LCN6: variants seen among roughly 807,000 people sequenced by gnomAD.
LCN6 encodes the protein epididymal-specific lipocalin-6.
A neutral mutation model predicts 21.4 loss-of-function variants in LCN6; 20 were observed. The ratio of observed to expected loss-of-function variants is 0.93; its 90% CI spans 0.66 to 1.36. LCN6 has a LOEUF of 1.36. Among genes scored for constraint, LCN6 ranks in the 40% most tolerant of loss-of-function variants. The probability of loss-of-function intolerance (pLI) is 0.00; values close to 1 mark genes in which losing one functional copy is unlikely to be tolerated. For missense variants in LCN6, 217 were observed against 206.6 expected, an observed-to-expected ratio of 1.05 and a Z score of -0.31; for synonymous variants, 96 against 89.0, an observed-to-expected ratio of 1.08 and a Z score of -0.44.
At position 136,744,984 on chromosome 9, in the gene LCN6, T is replaced by A. The variant is rs1847016045; in HGVS notation, c.412+186A>T. Reference sequence around the variant, plus strand: ...CCGAGCGGCCCACTCACCACACAGCTCCCCATGTGGCCCCAAGCGGCCCAC... The same window carrying A: ...CCGAGCGGCCCACTCACCACACAGCACCCCATGTGGCCCCAAGCGGCCCAC... On this transcript the variant is annotated intron_variant, in intron 4 of 6. Transcript: ENST00000341206. This position sits in a 1 kb window ranked among gnomAD's most constrained non-coding sequence, Gnocchi z 4.2. 7.6e-6 allele frequency among the ~76,000 whole-genome samples: 1 copy of A among 132,416 alleles called. No homozygotes were observed. Among genetic ancestry groups the A allele is most frequent in the South Asian group, 2.5e-4 (1 of 4,044 alleles). The allele number at this position is 132,416 out of a possible 152,430, so 86.9% of individuals were successfully genotyped here. A position where few individuals can be genotyped will look rare whatever the true frequency, so the allele number is the denominator to read the frequency against.
At position 136,744,787 on chromosome 9, in the gene LCN6, G is replaced by A; in HGVS notation, c.413-46C>T. On this transcript the variant is annotated intron_variant, in intron 4 of 6. Transcript: ENST00000341206. This position sits in a 1 kb window ranked among gnomAD's most constrained non-coding sequence, Gnocchi z 4.2. ...CAGGGGGAAGCAACCTCTGAGAGCTGGGGAGGGGCCGGGGAGGGGCTGGGA... is the reference window on the plus strand; with the variant it reads ...CAGGGGGAAGCAACCTCTGAGAGCTAGGGAGGGGCCGGGGAGGGGCTGGGA... 6 of 1,393,890 alleles carry A rather than the reference G, an allele frequency of 4.3e-6. No homozygotes were observed. Among genetic ancestry groups the A allele is most frequent in the Non-Finnish European group, 5.0e-6 (5 of 993,460 alleles). 86.3% of individuals were successfully genotyped at this position (1,393,890 alleles called of 1,614,324 possible).
intron 2 of LCN6, 91 bp downstream of exon 2, chr9:136,747,333 C>G: frequency 6.8e-7 from 1 of 1,462,834 alleles, no homozygotes; most frequent in Non-Finnish European, 9.3e-7. Flanking sequence ...GCCCCCAGGC[C>G]GCGGTGCCCG....
chr9:136,744,405 C>G lies in LCN6; in HGVS notation c.*23-41G>C, dbSNP rs1847004166. On this transcript the variant is annotated intron_variant, in intron 5 of 6. Coordinates refer to ENST00000341206, the MANE Select transcript of LCN6 (RefSeq NM_198946.3). The surrounding 1 kb of genome is among the most constrained non-coding windows in gnomAD (Gnocchi z 4.2). ...AGACTGGCTGTGAAAAAGGACTGAG[C>G]CCCCCAGCACCCCAGGGCCCCACCC... The G allele has an allele frequency of 4.4e-6, 2 of 451,308 alleles. No homozygotes were observed. Among genetic ancestry groups the G allele is most frequent in the African/African-American group, 3.9e-5 (2 of 51,304 alleles). 28.0% of individuals were successfully genotyped at this position (451,308 alleles called of 1,614,324 possible).
intron 2 of LCN6, chr9:136,746,757 C>G (rs1279305752): frequency 6.6e-6 from 1 of 152,366 alleles, no homozygotes; most frequent in Non-Finnish European, 1.5e-5. Flanking sequence ...CTGTCGCCAG[C>G]CTGCCAGGGG....
Position 136,744,409 on chromosome 9 carries a change from C to G in LCN6, c.*23-45G>C. The stretch of plus-strand genomic sequence containing the variant: ...TGGCTGTGAAAAAGGACTGAGCCCC[C>G]CAGCACCCCAGGGCCCCACCCACAA... On this transcript the variant is annotated intron_variant, in intron 5 of 6. Coordinates refer to ENST00000341206, the MANE Select transcript of LCN6 (RefSeq NM_198946.3). The surrounding 1 kb of genome is among the most constrained non-coding windows in gnomAD (Gnocchi z 4.2). The G allele has an allele frequency of 2.1e-6, 1 of 470,594 alleles. No individual in the cohort carries two copies. Among genetic ancestry groups the G allele is most frequent in the Non-Finnish European group, 3.9e-6 (1 of 259,404 alleles). The allele number at this position is 470,594 out of a possible 1,614,324, so 29.2% of individuals were successfully genotyped here.
rs1847015857 is a variant in LCN6, at chr9:136,744,971, CT to C, written c.412+198del. ...CCCCACATGGCCCCCGAGCGGCCCA[CT>C]CACCACACAGCTCCCCATGTGGCCC... On this transcript the variant is annotated intron_variant, in intron 4 of 6. Transcript: ENST00000341206. This position sits in a 1 kb window ranked among gnomAD's most constrained non-coding sequence, Gnocchi z 4.2. Among the ~76,000 whole-genome samples, 1 of 151,850 alleles carries C rather than the reference CT, an allele frequency of 6.6e-6. No homozygotes were observed. Among genetic ancestry groups the C allele is most frequent in the Non-Finnish European group, 1.5e-5 (1 of 67,906 alleles).
chr9:136,746,239 G>A (rs1278462011), intron 2 of LCN6, among the ~76,000 whole-genome samples: 1 of 147,236 alleles, frequency 6.8e-6, no homozygotes, highest in African/African-American at 2.5e-5. Flanking sequence ...GGGTGGGGTG[G>A]GGGTTCGCCC....
chr9:136,748,010 C>T (rs1432980601), intron 1 of LCN6, among the ~76,000 whole-genome samples: 1 of 150,404 alleles, frequency 6.6e-6, no homozygotes, highest in Non-Finnish European at 1.5e-5. Context: ...CTCCAGCCTC[C>T]AGTTCTGCAG....
chr9:136,745,778 C>A, intron 3 of LCN6, 66 bp downstream of exon 3: 1 of 1,444,986 alleles, frequency 6.9e-7, no homozygotes, highest in South Asian at 1.1e-5. Flanking sequence ...CCGTCCCTGC[C>A]CGCAGGGGGC....
chr9:136,748,195 C>T (rs1389315748), intron 1 of LCN6, among the ~76,000 whole-genome samples, 199 bp downstream of exon 1: 1 of 152,218 alleles, frequency 6.6e-6, no homozygotes, highest in Non-Finnish European at 1.5e-5. Flanking sequence ...ATTCTCCAGC[C>T]CTCCAGCCTC....
At position 136,744,639 on chromosome 9, in the gene LCN6, C is replaced by T. The variant is rs374340352; in HGVS notation, c.*22+1G>A. The T allele has an allele frequency of 2.6e-5, 41 of 1,588,964 alleles. No individual in the cohort carries two copies. The highest frequency in any genetic ancestry group is 6.8e-5 in the Admixed American group (4 of 59,016). On this transcript the variant is annotated splice_donor_variant, in intron 5 of 6. Coordinates refer to ENST00000341206, the MANE Select transcript of LCN6 (RefSeq NM_198946.3). LOFTEE classifies it low-confidence loss of function (3UTR_SPLICE). This position sits in a 1 kb window ranked among gnomAD's most constrained non-coding sequence, Gnocchi z 4.2. ...CCGAGGCTGCTCCGGTGGACACTCACGGTCCTTCTGCAGCTGGGCCTGCTA... is the reference window on the plus strand; with the variant it reads ...CCGAGGCTGCTCCGGTGGACACTCATGGTCCTTCTGCAGCTGGGCCTGCTA...
intron 2 of LCN6, among the ~76,000 whole-genome samples, chr9:136,746,573 C>T (rs1847041489): frequency 6.6e-6 from 1 of 152,148 alleles, no homozygotes; most frequent in East Asian, 1.9e-4. Context: ...GCTGCCACCT[C>T]AGCCTGGAGC....
intron 3 of LCN6, 168 bp from the exon 4 acceptor site, chr9:136,745,448 C>G: frequency 1.4e-5 from 8 of 589,752 alleles, no homozygotes; most frequent in Non-Finnish European, 2.4e-5. Flanking sequence ...GTCCCCCACC[C>G]CCGACCCCAC....
rs768457163 is a variant in LCN6, at chr9:136,745,344, G to C, written c.302-64C>G. On this transcript the variant is annotated intron_variant, in intron 3 of 6. Transcript: ENST00000341206. ...GCTGTATCCATCCAGGGGCCGCTGA[G>C]CTGATGCTGGCCACAGGGACAGAGG... 32 of 1,122,938 alleles carry C rather than the reference G, an allele frequency of 2.8e-5. No homozygotes were observed. The Admixed American group carries it at 4.1e-4, about 14-fold the overall frequency. The allele number at this position is 1,122,938 out of a possible 1,614,324, so 69.6% of individuals were successfully genotyped here. A position where few individuals can be genotyped will look rare whatever the true frequency, so the allele number is the denominator to read the frequency against.
intron 3 of LCN6, chr9:136,745,581 C>T (rs12553414): frequency 0.1 from 59,333 of 592,066 alleles, 3,286 homozygotes; most frequent in Middle Eastern, 0.15. Flanking sequence ...TACCTGTAGA[C>T]AGCCACTAAA....
chr9:136,745,916 T>C lies in LCN6; in HGVS notation c.231-2A>G. 1 of 1,613,356 alleles carries C rather than the reference T, an allele frequency of 6.2e-7. No individual in the cohort carries two copies. The highest frequency in any genetic ancestry group is 8.5e-7 in the Non-Finnish European group (1 of 1,179,768). On this transcript the variant is annotated splice_acceptor_variant, in intron 2 of 6. Transcript: ENST00000341206. LOFTEE classifies it high-confidence loss of function. ...ACACTCTGGTCACACCCTCCCAGCC[T>C]GGAAAAGAAGGGGCCTGTCACCCAC...
At position 136,745,494 on chromosome 9, in the gene LCN6, G is replaced by A. The variant is rs531071396; in HGVS notation, c.302-214C>T. On this transcript the variant is annotated intron_variant, in intron 3 of 6. Transcript: ENST00000341206. ...CATCAAGGGGCTTTCAGACACTGAC[G>A]GACAGACAGACAAGCACTGCCCCAG... 225 of 596,702 alleles carry A rather than the reference G, an allele frequency of 3.8e-4. 1 individual carries two copies. Among genetic ancestry groups the A allele is most frequent in the African/African-American group, 3.1e-3 (164 of 52,570 alleles). The allele number at this position is 596,702 out of a possible 1,614,324, so 37.0% of individuals were successfully genotyped here.
Position 136,744,604 on chromosome 9 carries a change from C to T in LCN6, c.*22+36G>A, listed in dbSNP as rs1564325572. 1.4e-6 allele frequency: 2 copies of T among 1,408,124 alleles called. No individual in the cohort carries two copies. Among genetic ancestry groups the T allele is most frequent in the Non-Finnish European group, 2.0e-6 (2 of 1,009,216 alleles). The allele number at this position is 1,408,124 out of a possible 1,614,324, so 87.2% of individuals were successfully genotyped here. On this transcript the variant is annotated intron_variant, in intron 5 of 6. Transcript: ENST00000341206. The surrounding 1 kb of genome is among the most constrained non-coding windows in gnomAD (Gnocchi z 4.2). ...GCCCTGTGGGCTCCAGAACTTGCCCCAAGCCTCCCCCGAGGCTGCTCCGGT... is the reference window on the plus strand; with the variant it reads ...GCCCTGTGGGCTCCAGAACTTGCCCTAAGCCTCCCCCGAGGCTGCTCCGGT...
rs753058976 is a variant in LCN6, at chr9:136,744,638, A to G, written c.*22+2T>C. 1.3e-6 allele frequency: 2 copies of G among 1,589,686 alleles called. No individual in the cohort carries two copies. The highest frequency in any genetic ancestry group is 1.7e-5 in the Admixed American group (1 of 58,998). On this transcript the variant is annotated splice_donor_variant, in intron 5 of 6. Coordinates refer to ENST00000341206, the MANE Select transcript of LCN6 (RefSeq NM_198946.3). LOFTEE classifies it low-confidence loss of function (3UTR_SPLICE). This position sits in a 1 kb window ranked among gnomAD's most constrained non-coding sequence, Gnocchi z 4.2. ...CCCGAGGCTGCTCCGGTGGACACTC[A>G]CGGTCCTTCTGCAGCTGGGCCTGCT... is the stretch of plus-strand genomic sequence containing the variant.
Sources: allele counts gnomAD v4.1 joint callset (sites outside exome capture counted in the v4.1 genomes callset), GRCh38; gene constraint gnomAD v4.1.1; non-coding constraint Gnocchi (gnomAD v3.1); transcripts MANE v1.5; gene names NCBI Gene and HGNC (gene_info 2026-07-23, HGNC 2026-07-21).